The following CFAP36 variants were observed in gnomAD, a reference collection of about 807,000 sequenced individuals.
CFAP36 encodes cilia and flagella associated protein 36.
Under a neutral mutation model 50.5 loss-of-function variants are expected in CFAP36, and 37 were observed. The ratio of observed to expected loss-of-function variants is 0.73; its 90% CI spans 0.56 to 0.96. The LOEUF (loss-of-function observed/expected upper bound fraction) is 0.96, where lower values mean the gene tolerates loss of function less well. Ranked by LOEUF, CFAP36 falls within the 50% of genes least tolerant of loss-of-function variation. CFAP36 has a pLI of 0.00. For missense variants in CFAP36, 407 were observed against 396.2 expected (o/e 1.03, Z -0.23); for synonymous variants, 138 against 128.2 (o/e 1.08, Z -0.52).
At chr2:55,530,029 G>C (rs1426721483) in intron 4 of CFAP36, among the ~76,000 whole-genome samples, 1 of 152,108 alleles carries the variant, frequency 6.6e-6, no homozygotes, top group Non-Finnish European at 1.5e-5. Context: ...CCGATAATTT[G>C]CATTTTTAAC....
At position 55,527,039 on chromosome 2, in the gene CFAP36, T is replaced by C. The variant is rs182707597; in HGVS notation, c.283-1839T>C. 8.5e-3 allele frequency among the ~76,000 whole-genome samples: 1,282 copies of C among 150,240 alleles called. 13 individuals carry two copies. The highest frequency in any genetic ancestry group is 0.012 in the Non-Finnish European group (801 of 67,930). On this transcript the variant is annotated intron_variant, in intron 3 of 9. Transcript: ENST00000349456. ...TGAGACCCTGTCTCTAAAATAATAA[T>C]AATAATAAAATAATTTAAATGTTAT...
chr2:55,520,699 A>G (rs1684039247), intron 1 of CFAP36, among the ~76,000 whole-genome samples: 1 of 152,202 alleles, frequency 6.6e-6, no homozygotes, highest in African/African-American at 2.4e-5. Context: ...CATATAAATG[A>G]GTGCCCAAGC....
chr2:55,523,218 C>G (rs1684118682), intron 2 of CFAP36, among the ~76,000 whole-genome samples: 1 of 151,414 alleles, frequency 6.6e-6, no homozygotes, highest in Admixed American at 6.6e-5. Flanking sequence ...CGAGACCAGC[C>G]TGACCAACAT....
At chr2:55,540,657 T>C (rs75359202) in intron 7 of CFAP36, among the ~76,000 whole-genome samples, 13,698 of 152,280 alleles carry the variant, frequency 0.09, 757 homozygotes, top group South Asian at 0.14. Flanking sequence ...TGATATTGTA[T>C]TGAATCTGTA....
At chr2:55,525,869 C>T (rs1684195467) in intron 3 of CFAP36, among the ~76,000 whole-genome samples, 1 of 152,170 alleles carries the variant, frequency 6.6e-6, no homozygotes, top group South Asian at 2.1e-4. Flanking sequence ...TCAGGCGATC[C>T]ACCCGCCTCG....
chr2:55,520,380 A>G, intron 1 of CFAP36: 1 of 1,524,276 alleles, frequency 6.6e-7, no homozygotes, highest in Non-Finnish European at 8.8e-7. Context: ...AGGAAATGAG[A>G]AATGATTTCA....
At chr2:55,536,973 C>T (rs1259031545) in intron 6 of CFAP36, among the ~76,000 whole-genome samples, 2 of 152,050 alleles carry the variant, frequency 1.3e-5, no homozygotes, top group East Asian at 1.9e-4. Context: ...GAACTCCTGA[C>T]CTCAGGTGAT....
intron 4 of CFAP36, among the ~76,000 whole-genome samples, chr2:55,532,704 T>A (rs1472928509): frequency 6.6e-6 from 1 of 152,188 alleles, no homozygotes; most frequent in African/African-American, 2.4e-5. Context: ...TTTAAAAAAA[T>A]GTATATAAAC....
At chr2:55,541,033 TAAAA>T (rs1275328720) in intron 7 of CFAP36, among the ~76,000 whole-genome samples, 4 of 149,348 alleles carry the variant, frequency 2.7e-5, no homozygotes, top group Non-Finnish European at 5.9e-5. Flanking sequence ...AATAAAAAAA[TAAAA>T]AAAAGGCCAG....
intron 3 of CFAP36, 82 bp downstream of exon 3, chr2:55,523,904 A>G: frequency 1.2e-6 from 1 of 845,758 alleles, no homozygotes; most frequent in Non-Finnish European, 1.8e-6. Flanking sequence ...TGAATGTTTG[A>G]TTGACAAAGT....
At chr2:55,522,489 T>C (rs1684097383) in intron 2 of CFAP36, among the ~76,000 whole-genome samples, 1 of 152,194 alleles carries the variant, frequency 6.6e-6, no homozygotes, top group Non-Finnish European at 1.5e-5. Flanking sequence ...GTGATTTTTT[T>C]ATTTTTTATT....
intron 1 of CFAP36, chr2:55,520,408 A>T (rs1051566638): frequency 9.7e-6 from 15 of 1,542,648 alleles, no homozygotes; most frequent in Admixed American, 2.1e-5. Flanking sequence ...CCAACAGTTA[A>T]CTGCAAAGGA....
chr2:55,521,085 C>A (rs1684049802), intron 1 of CFAP36, among the ~76,000 whole-genome samples: 1 of 151,906 alleles, frequency 6.6e-6, no homozygotes, highest in South Asian at 2.1e-4. Context: ...ACCACTGAAT[C>A]TTTTCATTAC....
intron 2 of CFAP36, 31 bp downstream of exon 2, chr2:55,522,197 G>A: frequency 8.6e-7 from 1 of 1,156,392 alleles, no homozygotes; most frequent in South Asian, 1.4e-5. Context: ...ATTTTTAAAA[G>A]TAATTAGGCT....
At chr2:55,533,804 G>A (rs4671248) in intron 4 of CFAP36, 69 bp from the exon 5 acceptor site, 22 of 882,020 alleles carry the variant, frequency 2.5e-5, no homozygotes, top group Middle Eastern at 2.3e-4. Flanking sequence ...CTTAAGGAAC[G>A]AGAACAGTGA....
intron 3 of CFAP36, among the ~76,000 whole-genome samples, chr2:55,524,190 T>C (rs76393840): frequency 0.025 from 3,807 of 152,328 alleles, 64 homozygotes; most frequent in Middle Eastern, 0.037. Context: ...TTGGAACTAC[T>C]TGTATTATCT....
At chr2:55,523,382 T>G (rs1684123717) in intron 2 of CFAP36, among the ~76,000 whole-genome samples, 1 of 151,626 alleles carries the variant, frequency 6.6e-6, no homozygotes. Context: ...ACCACTGCAC[T>G]CCAGCCTGGG....
Position 55,544,298 on chromosome 2 carries a change from A to T in CFAP36, c.856A>T (p.Met286Leu). 1 of 1,614,016 alleles carries T rather than the reference A, an allele frequency of 6.2e-7. No individual in the cohort carries two copies. The highest frequency in any genetic ancestry group is 8.5e-7 in the Non-Finnish European group (1 of 1,179,962). Reference sequence around the variant, plus strand: ...GCAGAAGAGAGATAAGTTGATGTCCATGAGAAAGGATATGAGGACTAAACA... The same window carrying T: ...GCAGAAGAGAGATAAGTTGATGTCCTTGAGAAAGGATATGAGGACTAAACA... ...LKQKRDKLMSMRKDMRTKQIQ... is the reference protein window; with the variant it reads ...LKQKRDKLMSLRKDMRTKQIQ... The change falls in exon 9 of 10, where the codon ATG becomes TTG. Residue 286 changes from methionine (M) to leucine (L), a missense_variant. By Grantham distance (15) the Met-to-Leu change is conservative. Coordinates refer to ENST00000349456, the MANE Select transcript of CFAP36 (RefSeq NM_080667.7).
At chr2:55,539,408 A>G (rs1010254907) in intron 7 of CFAP36, 1 of 152,232 alleles carries the variant, frequency 6.6e-6, no homozygotes, top group African/African-American at 2.4e-5. Flanking sequence ...TCACTTAGTA[A>G]TAATCCATTT....
Sources: allele counts gnomAD v4.1 joint callset (sites outside exome capture counted in the v4.1 genomes callset), GRCh38; gene constraint gnomAD v4.1.1; transcripts MANE v1.5; gene names NCBI Gene and HGNC (gene_info 2026-07-23, HGNC 2026-07-21).